RASGRF2: variants seen among roughly 807,000 people sequenced by gnomAD.
RASGRF2 encodes the protein Ras protein specific guanine nucleotide releasing factor 2, also known as ras-specific guanine nucleotide-releasing factor 2.
A neutral mutation model predicts 151.0 loss-of-function variants in RASGRF2; 76 were observed. The ratio of observed to expected loss-of-function variants is 0.50; its 90% CI spans 0.42 to 0.61. RASGRF2 has a LOEUF of 0.61. Ranked by LOEUF, RASGRF2 falls within the 20% of genes least tolerant of loss-of-function variation. RASGRF2 has a pLI of 0.00. For synonymous variants in RASGRF2, 504 were observed against 566.5 expected, an observed-to-expected ratio of 0.89 and a Z score of 1.57; for missense variants, 1,148 against 1,564.6, an observed-to-expected ratio of 0.73 and a Z score of 4.49.
At chr5:81,049,161 TAA>T (rs3991140) in intron 2 of RASGRF2, among the ~76,000 whole-genome samples, 1,696 of 116,826 alleles carry the variant, frequency 0.015, 23 homozygotes, top group East Asian at 0.03. Flanking sequence ...GCAAGTTCCC[TAA>T]AAAAAAAAAA....
intron 17 of RASGRF2, among the ~76,000 whole-genome samples, chr5:81,141,502 T>C (rs1753884464): frequency 6.6e-6 from 1 of 152,296 alleles, no homozygotes; most frequent in African/African-American, 2.4e-5. Context: ...CTCATAGTTA[T>C]TGAGAATGAG....
At chr5:81,163,341 G>C (rs376184365) in intron 17 of RASGRF2, among the ~76,000 whole-genome samples, 1 of 152,130 alleles carries the variant, frequency 6.6e-6, no homozygotes, top group African/African-American at 2.4e-5. Context: ...AGTACAGAGA[G>C]GAACGCTTCT....
At chr5:81,212,958 T>C (rs1755658762) in intron 23 of RASGRF2, among the ~76,000 whole-genome samples, 1 of 152,210 alleles carries the variant, frequency 6.6e-6, no homozygotes, top group African/African-American at 2.4e-5. Flanking sequence ...CACCTTTCTC[T>C]TGCTCATTCC....
intron 12 of RASGRF2, among the ~76,000 whole-genome samples, chr5:81,101,605 C>T (rs1752700611): frequency 6.6e-6 from 1 of 152,008 alleles, no homozygotes; most frequent in Non-Finnish European, 1.5e-5. Flanking sequence ...ATCTATCTAT[C>T]ATCTCTCTCT....
intron 1 of RASGRF2, among the ~76,000 whole-genome samples, chr5:80,980,071 T>G (rs116661676): frequency 6.6e-6 from 1 of 152,230 alleles, no homozygotes; most frequent in South Asian, 2.1e-4. Flanking sequence ...AATGGCTTAT[T>G]TGACAGTTTG....
intron 17 of RASGRF2, among the ~76,000 whole-genome samples, chr5:81,166,661 G>T (rs774225120): frequency 4.7e-5 from 1 of 21,080 alleles, no homozygotes; most frequent in Non-Finnish European, 1.7e-4. Context: ...GGGGAAGGAT[G>T]GGGGAGGGAC....
intron 3 of RASGRF2, among the ~76,000 whole-genome samples, chr5:81,069,202 C>T (rs1246469965): frequency 6.6e-6 from 1 of 152,234 alleles, no homozygotes; most frequent in Admixed American, 6.5e-5. Flanking sequence ...CTACACACAT[C>T]ACCTCCGGTG....
chr5:81,023,229 A>G (rs1380679284), intron 1 of RASGRF2, among the ~76,000 whole-genome samples: 1 of 152,218 alleles, frequency 6.6e-6, no homozygotes, highest in East Asian at 1.9e-4. Context: ...GAGAATATCC[A>G]AGGAGAAAAA....
Position 81,165,723 on chromosome 5 carries a change from G to A in RASGRF2, c.2687-14452G>A, listed in dbSNP as rs141548371. ...CCACCTGCTGGTCCTGTGTGCCTCTGCTGCTCGTGCCAAAGCTTTGACTCA... is the reference window on the plus strand; with the variant it reads ...CCACCTGCTGGTCCTGTGTGCCTCTACTGCTCGTGCCAAAGCTTTGACTCA... On this transcript the variant is annotated intron_variant, in intron 17 of 26. Transcript: ENST00000265080. 2.2e-3 allele frequency among the ~76,000 whole-genome samples: 331 copies of A among 152,292 alleles called. 1 individual carries two copies. The highest frequency in any genetic ancestry group is 7.8e-3 in the African/African-American group (323 of 41,542).
At chr5:81,139,610 C>T (rs248986) in intron 17 of RASGRF2, among the ~76,000 whole-genome samples, 87,576 of 151,620 alleles carry the variant, frequency 0.58, 27,553 homozygotes, top group East Asian at 0.81. Context: ...ACCGACTAGA[C>T]AAAAATTAAT....
intron 7 of RASGRF2, among the ~76,000 whole-genome samples, chr5:81,084,410 T>C (rs1752169561): frequency 6.6e-6 from 1 of 152,188 alleles, no homozygotes; most frequent in Non-Finnish European, 1.5e-5. Context: ...CCCTAAGGGC[T>C]GTATTAGTGA....
chr5:81,139,153 G>T (rs1753824061), intron 17 of RASGRF2, among the ~76,000 whole-genome samples: 1 of 152,094 alleles, frequency 6.6e-6, no homozygotes, highest in Middle Eastern at 3.4e-3. Flanking sequence ...ACTCTTTTTG[G>T]TGTTATTGTG....
intron 2 of RASGRF2, among the ~76,000 whole-genome samples, chr5:81,045,153 C>T (rs17410422): frequency 0.028 from 4,256 of 152,286 alleles, 86 homozygotes; most frequent in Non-Finnish European, 0.045. Context: ...AAAGAAGCAT[C>T]AAGCTGGCAA....
chr5:81,152,265 G>T (rs11746033), intron 17 of RASGRF2, among the ~76,000 whole-genome samples: 1 of 152,122 alleles, frequency 6.6e-6, no homozygotes, highest in East Asian at 1.9e-4. Context: ...GCCTCCCAAA[G>T]TGCTGAGATT....
At chr5:80,988,588 C>T (rs1035938957) in intron 1 of RASGRF2, among the ~76,000 whole-genome samples, 8 of 152,148 alleles carry the variant, frequency 5.3e-5, no homozygotes, top group Non-Finnish European at 1.0e-4. Context: ...ATTGAGAGAG[C>T]CACTGTCTGC....
At chr5:81,037,914 A>G (rs1159655974) in intron 1 of RASGRF2, among the ~76,000 whole-genome samples, 1 of 152,176 alleles carries the variant, frequency 6.6e-6, no homozygotes, top group Non-Finnish European at 1.5e-5. Flanking sequence ...TATTTTTCTA[A>G]CTGTATACAT....
At chr5:81,136,617 G>C (rs1364090894) in intron 17 of RASGRF2, among the ~76,000 whole-genome samples, 1 of 152,096 alleles carries the variant, frequency 6.6e-6, no homozygotes, top group Non-Finnish European at 1.5e-5. Context: ...TATTTATTCT[G>C]CTTGGTGTTC....
intron 18 of RASGRF2, among the ~76,000 whole-genome samples, chr5:81,195,549 C>A (rs1755244896): frequency 6.7e-6 from 1 of 149,240 alleles, no homozygotes; most frequent in Admixed American, 6.7e-5. Context: ...ATTTCTTTTA[C>A]TTCTTGAGAT....
intron 1 of RASGRF2, among the ~76,000 whole-genome samples, chr5:80,995,852 C>T (rs1207448451): frequency 1.3e-5 from 2 of 151,958 alleles, no homozygotes; most frequent in Non-Finnish European, 2.9e-5. Context: ...ACCATCAAGC[C>T]TGGCTAATTT....
Sources: allele counts gnomAD v4.1 joint callset (sites outside exome capture counted in the v4.1 genomes callset), GRCh38; gene constraint gnomAD v4.1.1; transcripts MANE v1.5; gene names NCBI Gene and HGNC (gene_info 2026-07-23, HGNC 2026-07-21).